The following TAX1BP3 variants were observed in gnomAD, a reference collection of about 807,000 sequenced individuals.
The protein encoded by TAX1BP3 is tax1-binding protein 3.
Under a neutral mutation model 15.3 loss-of-function variants are expected in TAX1BP3, and 13 were observed. The ratio of observed to expected loss-of-function variants is 0.85; its 90% CI spans 0.55 to 1.35. The LOEUF is 1.35. TAX1BP3 is among the 40% of genes most tolerant of loss of function. The probability of loss-of-function intolerance (pLI) is 0.00; values close to 1 mark genes in which losing one functional copy is unlikely to be tolerated. For synonymous variants in TAX1BP3, 70 were observed against 66.0 expected (o/e 1.06, Z -0.30); for missense variants, 147 against 169.6 (o/e 0.87, Z 0.74).
rs1472189278 is a variant in TAX1BP3 at position 3,668,333 on chromosome 17, C to G, written c.39+155G>C. On this transcript the variant is annotated intron_variant, in intron 1 of 3. Transcript: ENST00000225525. This position sits in a 1 kb window ranked among gnomAD's most constrained non-coding sequence, Gnocchi z 4.1. ...CCCTGTTTCGTGGCTGGGGGAACTGCGGCCCGCTCCGGCAAAGCGGGGACC... is the reference window on the plus strand; with the variant it reads ...CCCTGTTTCGTGGCTGGGGGAACTGGGGCCCGCTCCGGCAAAGCGGGGACC... 2.0e-5 allele frequency among the ~76,000 whole-genome samples: 3 copies of G among 152,218 alleles called. No individual in the cohort carries two copies. The highest frequency in any genetic ancestry group is 7.2e-5 in the African/African-American group (3 of 41,450).
intron 1 of TAX1BP3, among the ~76,000 whole-genome samples, chr17:3,667,180 T>C (rs1291145002): frequency 6.6e-6 from 1 of 151,776 alleles, no homozygotes; most frequent in Non-Finnish European, 1.5e-5. Context: ...CCCGTTCTAC[T>C]AAAAATACAA....
At position 3,668,462 on chromosome 17, in the gene TAX1BP3, G is replaced by C. The variant is rs200414293; in HGVS notation, c.39+26C>G. 1.9e-6 allele frequency: 3 copies of C among 1,607,250 alleles called. No individual in the cohort carries two copies. In the South Asian group the frequency reaches 3.3e-5, roughly 18 times the overall value. On this transcript the variant is annotated intron_variant, in intron 1 of 3. Transcript: ENST00000225525. The surrounding 1 kb of genome is among the most constrained non-coding windows in gnomAD (Gnocchi z 4.1). ...GCGAGGTGGGGTCAGGCCAAGACGA[G>C]GAGGAGCCCGCGCAAGCGCACTCAC...
rs1239746902 is a variant in TAX1BP3, at chr17:3,663,847, C to CTGGTCGTGTGTGACCA, written c.260_275dup (p.Gln92HisfsTer117). Reference sequence around the variant, plus strand: ...AGCGCTTGGTGAGCCGCTTGCGGGCCTGGTCGTGTGTGACCATGGTCATGT... The same window carrying CTGGTCGTGTGTGACCA: ...AGCGCTTGGTGAGCCGCTTGCGGGCCTGGTCGTGTGTGACCATGGTCGTGTGTGACCATGGTCATGT... On this transcript the variant is annotated frameshift_variant, in exon 4 of 4. Transcript: ENST00000225525. LOFTEE classifies it high-confidence loss of function. The CTGGTCGTGTGTGACCA allele has an allele frequency of 1.2e-6, 2 of 1,609,694 alleles. No individual in the cohort carries two copies. The highest frequency in any genetic ancestry group is 2.2e-5 in the South Asian group (2 of 91,010).
Position 3,663,721 on chromosome 17 carries a change from GGCAGGAGTC to G in TAX1BP3, c.*18_*26del, listed in dbSNP as rs774945397. 1 of 1,589,610 alleles carries G rather than the reference GGCAGGAGTC, an allele frequency of 6.3e-7. No homozygotes were observed. Among genetic ancestry groups the G allele is most frequent in the East Asian group, 2.2e-5 (1 of 44,470 alleles). ...GGCGTTACTGTACAGAGAGGCGGCA[GGCAGGAGTC>G]GCAGATGGTGGTGGCTGCTAGGACA... is the stretch of plus-strand genomic sequence containing the variant. On this transcript the variant is annotated 3_prime_UTR_variant, in exon 4 of 4. Coordinates refer to ENST00000225525, the MANE Select transcript of TAX1BP3 (RefSeq NM_014604.4).
At position 3,663,597 on chromosome 17, in the gene TAX1BP3, G is replaced by A; in HGVS notation, c.*151C>T. 1 of 1,190,704 alleles carries A rather than the reference G, an allele frequency of 8.4e-7. No homozygotes were observed. 73.8% of individuals were successfully genotyped at this position (1,190,704 alleles called of 1,614,324 possible). On this transcript the variant is annotated 3_prime_UTR_variant, in exon 4 of 4. Coordinates refer to ENST00000225525, the MANE Select transcript of TAX1BP3 (RefSeq NM_014604.4). ...AGGCCCCAGGCCAGGGATGGGAGAAGGGAAGGAAGGCCAGGCCAGGCCTCT... is the reference window on the plus strand; with the variant it reads ...AGGCCCCAGGCCAGGGATGGGAGAAAGGAAGGAAGGCCAGGCCAGGCCTCT...
chr17:3,664,442 G>A, intron 2 of TAX1BP3, 170 bp from the exon 3 acceptor site: 1 of 929,002 alleles, frequency 1.1e-6, no homozygotes, highest in Admixed American at 2.1e-5. Context: ...CAGAGTTGCT[G>A]CACCACCATG....
At position 3,663,587 on chromosome 17, in the gene TAX1BP3, G is replaced by T. The variant is rs990918486; in HGVS notation, c.*161C>A. The T allele has an allele frequency of 4.0e-5, 44 of 1,095,756 alleles. No homozygotes were observed. In the African/African-American group the frequency reaches 6.2e-4, roughly 15 times the overall value. The allele number at this position is 1,095,756 out of a possible 1,614,324, so 67.9% of individuals were successfully genotyped here. Reference sequence around the variant, plus strand: ...CCGGTCCCAGAGGCCCCAGGCCAGGGATGGGAGAAGGGAAGGAAGGCCAGG... The same window carrying T: ...CCGGTCCCAGAGGCCCCAGGCCAGGTATGGGAGAAGGGAAGGAAGGCCAGG... On this transcript the variant is annotated 3_prime_UTR_variant, in exon 4 of 4. Transcript: ENST00000225525.
At chr17:3,665,888 T>C (rs1597676506) in intron 1 of TAX1BP3, among the ~76,000 whole-genome samples, 1 of 151,630 alleles carries the variant, frequency 6.6e-6, no homozygotes, top group African/African-American at 2.4e-5. Flanking sequence ...AGGCTGAAAG[T>C]GTAAGGCTGG....
Position 3,663,726 on chromosome 17 carries a change from G to A in TAX1BP3, c.*22C>T. On this transcript the variant is annotated 3_prime_UTR_variant, in exon 4 of 4. Coordinates refer to ENST00000225525, the MANE Select transcript of TAX1BP3 (RefSeq NM_014604.4). ...TACTGTACAGAGAGGCGGCAGGCAG[G>A]AGTCGCAGATGGTGGTGGCTGCTAG... is the stretch of plus-strand genomic sequence containing the variant. 6.3e-7 allele frequency: 1 copy of A among 1,591,148 alleles called. No homozygotes were observed. The highest frequency in any genetic ancestry group is 8.5e-7 in the Non-Finnish European group (1 of 1,170,556).
intron 2 of TAX1BP3, 134 bp downstream of exon 2, chr17:3,664,545 C>T: frequency 7.7e-7 from 1 of 1,305,696 alleles, no homozygotes; most frequent in Middle Eastern, 1.8e-4. Context: ...CACTAGGTCA[C>T]TTCCGATGCC....
chr17:3,666,886 G>A (rs1442161841), intron 1 of TAX1BP3, among the ~76,000 whole-genome samples: 1 of 152,216 alleles, frequency 6.6e-6, no homozygotes, highest in Admixed American at 6.5e-5. Context: ...TGCCGGCACG[G>A]TCAGAAGATT....
At position 3,664,240 on chromosome 17, in the gene TAX1BP3, G is replaced by T; in HGVS notation, c.192C>A (p.Gly64=). The part of the protein sequence containing the change: ...GIYVTRVSEG[G]PAEIAGLQIG... ...TCTGCAGCCCAGCGATTTCAGCAGG[G>T]CCTCCTTCAGACACCCGTGTGACAT... The change falls in exon 3 of 4, where the codon GGC becomes GGA. Residue 64 remains glycine (G), a synonymous_variant. Transcript: ENST00000225525. The T allele has an allele frequency of 6.2e-7, 1 of 1,614,068 alleles. No individual in the cohort carries two copies. The highest frequency in any genetic ancestry group is 1.1e-5 in the South Asian group (1 of 91,088).
chr17:3,664,668 G>C lies in TAX1BP3; in HGVS notation c.159+11C>G. 6.2e-7 allele frequency: 1 copy of C among 1,613,674 alleles called. No individual in the cohort carries two copies. On this transcript the variant is annotated intron_variant, in intron 2 of 3. Transcript: ENST00000225525. Reference sequence around the variant, plus strand: ...CCCATGGAGCGGTCCCAGGACCCCAGACCCCCTCACCTTGTCCGTCTTGTC... The same window carrying C: ...CCCATGGAGCGGTCCCAGGACCCCACACCCCCTCACCTTGTCCGTCTTGTC...
In TAX1BP3 at chr17:3,668,468, G is replaced by C; in HGVS notation, c.39+20C>G. 6.2e-7 allele frequency: 1 copy of C among 1,607,574 alleles called. No homozygotes were observed. The highest frequency in any genetic ancestry group is 8.5e-7 in the Non-Finnish European group (1 of 1,177,714). On this transcript the variant is annotated intron_variant, in intron 1 of 3. Transcript: ENST00000225525. This position sits in a 1 kb window ranked among gnomAD's most constrained non-coding sequence, Gnocchi z 4.1. Reference sequence around the variant, plus strand: ...TGGGGTCAGGCCAAGACGAGGAGGAGCCCGCGCAAGCGCACTCACCACCAC... The same window carrying C: ...TGGGGTCAGGCCAAGACGAGGAGGACCCCGCGCAAGCGCACTCACCACCAC...
Position 3,663,450 on chromosome 17 carries a change from G to A in TAX1BP3, c.*298C>T. On this transcript the variant is annotated 3_prime_UTR_variant, in exon 4 of 4. Coordinates refer to ENST00000225525, the MANE Select transcript of TAX1BP3 (RefSeq NM_014604.4). ...AGAGATAGTGGTTCCCACTTGCCCA[G>A]CCACTGCTGTGGCCAAGCAGCAGGG... 3.2e-6 allele frequency: 1 copy of A among 314,056 alleles called. No homozygotes were observed. The highest frequency in any genetic ancestry group is 5.8e-6 in the Non-Finnish European group (1 of 172,342). 19.5% of individuals were successfully genotyped at this position (314,056 alleles called of 1,614,324 possible). A position where few individuals can be genotyped will look rare whatever the true frequency, so the allele number is the denominator to read the frequency against.
rs772228029 is a variant in TAX1BP3 at position 3,663,718 on chromosome 17, G to A, written c.*30C>T. 1.3e-6 allele frequency: 2 copies of A among 1,588,232 alleles called. No homozygotes were observed. Among genetic ancestry groups the A allele is most frequent in the Middle Eastern group, 1.9e-4 (1 of 5,210 alleles). On this transcript the variant is annotated 3_prime_UTR_variant, in exon 4 of 4. Transcript: ENST00000225525. ...AGTGGCGTTACTGTACAGAGAGGCG[G>A]CAGGCAGGAGTCGCAGATGGTGGTG...
chr17:3,664,678 C>A lies in TAX1BP3; in HGVS notation c.159+1G>T. On this transcript the variant is annotated splice_donor_variant, in intron 2 of 3. Transcript: ENST00000225525. LOFTEE classifies it high-confidence loss of function. ...GGTCCCAGGACCCCAGACCCCCTCACCTTGTCCGTCTTGTCTTCAGAGAAG... is the reference window on the plus strand; with the variant it reads ...GGTCCCAGGACCCCAGACCCCCTCAACTTGTCCGTCTTGTCTTCAGAGAAG... The A allele has an allele frequency of 2.5e-6, 4 of 1,613,788 alleles. No individual in the cohort carries two copies. Among genetic ancestry groups the A allele is most frequent in the Non-Finnish European group, 3.4e-6 (4 of 1,179,954 alleles).
chr17:3,667,292 G>A (rs934497957), intron 1 of TAX1BP3, among the ~76,000 whole-genome samples: 1 of 148,980 alleles, frequency 6.7e-6, no homozygotes, highest in Non-Finnish European at 1.5e-5. Flanking sequence ...GCAATGAACC[G>A]AGATCGCGCC....
In TAX1BP3 at chr17:3,662,938, C is replaced by T. The variant is rs7093; in HGVS notation, c.*810G>A. 52,741 of 152,126 alleles carry T rather than the reference C, an allele frequency of 0.35. 9,808 individuals carry two copies. The highest frequency in any genetic ancestry group is 0.5 in the East Asian group (2,596 of 5,164). 9.4% of individuals were successfully genotyped at this position (152,126 alleles called of 1,614,324 possible). A position where few individuals can be genotyped will look rare whatever the true frequency, so the allele number is the denominator to read the frequency against. On this transcript the variant is annotated 3_prime_UTR_variant, in exon 4 of 4. Transcript: ENST00000225525. ...TTGAGCGCACCACATCGGGGAGGGGCGGCAGTGGTTTCCACGGTAACCAAA... is the reference window on the plus strand; with the variant it reads ...TTGAGCGCACCACATCGGGGAGGGGTGGCAGTGGTTTCCACGGTAACCAAA...
Sources: gnomAD v4.1 joint callset for allele counts (sites outside exome capture counted in the v4.1 genomes callset) on GRCh38, gnomAD v4.1.1 for gene constraint, Gnocchi (gnomAD v3.1) non-coding constraint, MANE v1.5 for transcripts, NCBI Gene and HGNC (gene_info 2026-07-23, HGNC 2026-07-21) for gene names.